The following BCL2 variants were observed in gnomAD, a reference collection of about 807,000 sequenced individuals.
BCL2 encodes the protein BCL2 apoptosis regulator.
In BCL2, 1 loss-of-function variant was observed where a neutral mutation model predicts 14.2. The ratio of observed to expected loss-of-function variants is 0.07; its 90% CI spans 0.02 to 0.33. The LOEUF (loss-of-function observed/expected upper bound fraction) is 0.33, where lower values mean the gene tolerates loss of function less well. Among genes scored for constraint, BCL2 ranks in the 10% least tolerant of loss-of-function variants. The pLI is 0.99. For synonymous variants in BCL2, 151 were observed against 137.2 expected (o/e 1.10, Z -0.70); for missense variants, 247 against 305.9 (o/e 0.81, Z 1.44).
chr18:63,141,206 C>G (rs375481398), intron 2 of BCL2, among the ~76,000 whole-genome samples: 38 of 152,314 alleles, frequency 2.5e-4, no homozygotes, highest in African/African-American at 8.9e-4. Context: ...TAGTTAGTGA[C>G]CTTATTCTTC....
intron 2 of BCL2, among the ~76,000 whole-genome samples, chr18:63,222,712 A>C (rs977976046): frequency 2.6e-5 from 4 of 152,228 alleles, no homozygotes; most frequent in Non-Finnish European, 5.9e-5. Context: ...AAAATGGAGA[A>C]TTGAACACAC....
intron 2 of BCL2, among the ~76,000 whole-genome samples, chr18:63,245,536 A>C (rs1911128461): frequency 6.6e-6 from 1 of 152,216 alleles, no homozygotes; most frequent in South Asian, 2.1e-4. Flanking sequence ...GTTTCTTGGT[A>C]GGGATGGAAT....
intron 2 of BCL2, chr18:63,317,576 G>A (rs997642089): frequency 1.0e-6 from 1 of 989,680 alleles, no homozygotes; most frequent in Non-Finnish European, 1.2e-6. Flanking sequence ...TGATGCCCTT[G>A]GTCTTCTGTG....
At chr18:63,178,401 G>A (rs1173489063) in intron 2 of BCL2, among the ~76,000 whole-genome samples, 1 of 152,182 alleles carries the variant, frequency 6.6e-6, no homozygotes, top group African/African-American at 2.4e-5. Context: ...CCTCCCATGC[G>A]CAAGGCGGAT....
chr18:63,161,009 C>A (rs1914907698), intron 2 of BCL2, among the ~76,000 whole-genome samples: 2 of 152,118 alleles, frequency 1.3e-5, no homozygotes, highest in Non-Finnish European at 2.9e-5. Flanking sequence ...TCAAAATGTC[C>A]CAAAACATTA....
At chr18:63,160,424 T>C (rs1314689850) in intron 2 of BCL2, among the ~76,000 whole-genome samples, 1 of 152,204 alleles carries the variant, frequency 6.6e-6, no homozygotes, top group African/African-American at 2.4e-5. Flanking sequence ...CATCAGAGTT[T>C]ACATGTTTAG....
At chr18:63,253,879 C>T (rs554601227) in intron 2 of BCL2, among the ~76,000 whole-genome samples, 1 of 146,438 alleles carries the variant, frequency 6.8e-6, no homozygotes, top group South Asian at 2.2e-4. Context: ...TCTCTGGACT[C>T]GCACAGTTCC....
At chr18:63,223,108 TAAG>T (rs143373383) in intron 2 of BCL2, among the ~76,000 whole-genome samples, 89 of 152,190 alleles carry the variant, frequency 5.8e-4, no homozygotes, top group African/African-American at 1.9e-3. Flanking sequence ...GTCACTAAAA[TAAG>T]AAGAACAGGG....
chr18:63,160,879 A>C (rs1260690621), intron 2 of BCL2, among the ~76,000 whole-genome samples: 1 of 152,074 alleles, frequency 6.6e-6, no homozygotes, highest in Non-Finnish European at 1.5e-5. Flanking sequence ...GAGGGACCAG[A>C]GGTGGAAGAC....
At chr18:63,279,772 G>GT (rs1568256224) in intron 2 of BCL2, among the ~76,000 whole-genome samples, 1 of 152,100 alleles carries the variant, frequency 6.6e-6, no homozygotes, top group African/African-American at 2.4e-5. Flanking sequence ...TCTCACAAAC[G>GT]TAACTATGAG....
rs556708975 is a variant in BCL2, at chr18:63,127,516, G to C, written c.*1109C>G. 2.6e-4 allele frequency: 61 copies of C among 231,896 alleles called. No homozygotes were observed. The highest frequency in any genetic ancestry group is 1.3e-3 in the African/African-American group (59 of 45,332). The allele number at this position is 231,896 out of a possible 1,614,324, so 14.4% of individuals were successfully genotyped here. On this transcript the variant is annotated 3_prime_UTR_variant, in exon 3 of 3. Transcript: ENST00000333681. ...CCTCTACTGCTCTTTCTTGACAGTG[G>C]AATTCTGAGCTCCATCAGCTTCCAG...
intron 2 of BCL2, among the ~76,000 whole-genome samples, chr18:63,136,945 A>G (rs1914223774): frequency 6.6e-6 from 1 of 152,194 alleles, no homozygotes; most frequent in Admixed American, 6.5e-5. Flanking sequence ...ATGCACTGCC[A>G]ATTTTACCAC....
intron 2 of BCL2, among the ~76,000 whole-genome samples, chr18:63,178,339 A>G (rs149536858): frequency 6.6e-6 from 1 of 152,280 alleles, no homozygotes; most frequent in African/African-American, 2.4e-5. Context: ...CCTAAATTAT[A>G]ACCAGAGATG....
At chr18:63,133,919 G>A (rs1029372919) in intron 2 of BCL2, among the ~76,000 whole-genome samples, 6 of 152,170 alleles carry the variant, frequency 3.9e-5, no homozygotes, top group South Asian at 2.1e-4. Context: ...GACTGACAGC[G>A]CGTCCACATG....
chr18:63,284,624 T>A lies in BCL2; in HGVS notation c.585+33458A>T, dbSNP rs553789766. On this transcript the variant is annotated intron_variant, in intron 2 of 2. Transcript: ENST00000333681. The stretch of plus-strand genomic sequence containing the variant: ...CACTCGACAGGGTACTTTAAACAAC[T>A]TCATTAGTTTGAAATTTTAAATCCA... Among the ~76,000 whole-genome samples the A allele has an allele frequency of 4.6e-5, 7 of 152,274 alleles. No individual in the cohort carries two copies. The East Asian group carries it at 1.4e-3, about 29-fold the overall frequency.
At chr18:63,260,521 TG>T (rs1236865011) in intron 2 of BCL2, among the ~76,000 whole-genome samples, 1 of 152,198 alleles carries the variant, frequency 6.6e-6, no homozygotes, top group African/African-American at 2.4e-5. Context: ...AGGCACGCCC[TG>T]GTCAGCAGGG....
intron 2 of BCL2, among the ~76,000 whole-genome samples, chr18:63,172,983 G>A (rs1418783893): frequency 6.6e-6 from 1 of 152,116 alleles, no homozygotes; most frequent in Non-Finnish European, 1.5e-5. Flanking sequence ...TTGACTCTAC[G>A]CAGGATGTCT....
intron 2 of BCL2, among the ~76,000 whole-genome samples, chr18:63,232,931 G>A (rs1910726240): frequency 1.3e-5 from 2 of 152,156 alleles, no homozygotes; most frequent in Admixed American, 1.3e-4. Context: ...GTCTTTTCAG[G>A]TTGCTATAAC....
At chr18:63,240,532 A>G (rs1910970676) in intron 2 of BCL2, among the ~76,000 whole-genome samples, 1 of 152,242 alleles carries the variant, frequency 6.6e-6, no homozygotes, top group Admixed American at 6.5e-5. Context: ...CTGGACACAA[A>G]GTAATATTCT....
Sources: allele counts gnomAD v4.1 joint callset (sites outside exome capture counted in the v4.1 genomes callset), GRCh38; gene constraint gnomAD v4.1.1; transcripts MANE v1.5; gene names NCBI Gene and HGNC (gene_info 2026-07-23, HGNC 2026-07-21).